The following PEBP4 variants were observed in gnomAD, a reference collection of about 807,000 sequenced individuals.
PEBP4 encodes the protein phosphatidylethanolamine-binding protein 4.
Under a neutral mutation model 23.9 loss-of-function variants are expected in PEBP4, and 22 were observed. That is an observed-to-expected ratio of 0.92 (90% CI 0.66 to 1.31). PEBP4 has a LOEUF of 1.31. Among genes scored for constraint, PEBP4 ranks in the 40% most tolerant of loss-of-function variants. PEBP4 has a pLI of 0.00. For missense variants in PEBP4, 324 were observed against 281.7 expected, an observed-to-expected ratio of 1.15 and a Z score of -1.07; for synonymous variants, 112 against 99.3, an observed-to-expected ratio of 1.13 and a Z score of -0.76.
At chr8:22,740,570 C>T (rs1023296419) in intron 4 of PEBP4, among the ~76,000 whole-genome samples, 31 of 152,208 alleles carry the variant, frequency 2.0e-4, no homozygotes, top group African/African-American at 7.5e-4. Context: ...CCCAATTCCC[C>T]TGGGGTCTCT....
rs1026810413 is a variant in PEBP4, at chr8:22,865,804, C to A, written c.259-48069G>T. On this transcript the variant is annotated intron_variant, in intron 3 of 6. Transcript: ENST00000256404. This position sits in a 1 kb window ranked among gnomAD's most constrained non-coding sequence, Gnocchi z 6.9. ...CGGCCACTCCCGGGGGCGCGAGCGG[C>A]GGCGCCTAGAGGGACCCCCACCCCG... Among the ~76,000 whole-genome samples, 3 of 152,178 alleles carry A rather than the reference C, an allele frequency of 2.0e-5. No homozygotes were observed. The highest frequency in any genetic ancestry group is 7.2e-5 in the African/African-American group (3 of 41,454).
chr8:22,900,218 A>G (rs895937357), intron 3 of PEBP4, among the ~76,000 whole-genome samples: 8 of 152,210 alleles, frequency 5.3e-5, no homozygotes, highest in African/African-American at 1.9e-4. Flanking sequence ...CCCACAGCAC[A>G]GTTAAGAATG....
chr8:22,935,545 T>C (rs981261337), intron 1 of PEBP4, among the ~76,000 whole-genome samples: 1 of 151,804 alleles, frequency 6.6e-6, no homozygotes, highest in Non-Finnish European at 1.5e-5. Context: ...ACACAATACA[T>C]CCCTAAGCCA....
At chr8:22,781,166 G>A (rs1805906825) in intron 4 of PEBP4, among the ~76,000 whole-genome samples, 1 of 152,210 alleles carries the variant, frequency 6.6e-6, no homozygotes, top group African/African-American at 2.4e-5. Flanking sequence ...GAACCTTTGG[G>A]GACAGGCCCC....
intron 6 of PEBP4, among the ~76,000 whole-genome samples, chr8:22,721,979 C>T (rs1039493015): frequency 3.3e-5 from 5 of 152,150 alleles, no homozygotes; most frequent in Non-Finnish European, 7.4e-5. Context: ...CCTCATGTCT[C>T]GACCCCTCTG....
chr8:22,867,990 C>T (rs1482721747), intron 3 of PEBP4, among the ~76,000 whole-genome samples: 1 of 152,136 alleles, frequency 6.6e-6, no homozygotes, highest in Admixed American at 6.5e-5. Context: ...CATGCACAGA[C>T]CGTAGGCAAT....
chr8:22,770,027 C>T (rs546484704), intron 4 of PEBP4, among the ~76,000 whole-genome samples: 3 of 152,298 alleles, frequency 2.0e-5, no homozygotes, highest in East Asian at 3.9e-4. Flanking sequence ...GCCTATGCCA[C>T]GCTAACCTTC....
chr8:22,729,449 G>A (rs1350281703), intron 4 of PEBP4, among the ~76,000 whole-genome samples: 2 of 152,238 alleles, frequency 1.3e-5, no homozygotes, highest in Non-Finnish European at 2.9e-5. Context: ...AAGGGAGCAG[G>A]CAAGGGTGGG....
At chr8:22,817,285 G>C (rs1806764621) in intron 4 of PEBP4, among the ~76,000 whole-genome samples, 1 of 152,196 alleles carries the variant, frequency 6.6e-6, no homozygotes. Flanking sequence ...GAAGCCAATT[G>C]TTAACGTTTC....
At position 22,749,805 on chromosome 8, in the gene PEBP4, C is replaced by CTTTTTTTTTTTT. The variant is rs71206545; in HGVS notation, c.358-22597_358-22586dup. ...CTCTCCTGATTCTCAGTTTGTCATT[C>CTTTTTTTTTTTT]TTTTTTTTTTTTTTTTTTGAGATGG... is the stretch of plus-strand genomic sequence containing the variant. On this transcript the variant is annotated intron_variant, in intron 4 of 6. Transcript: ENST00000256404. 9.9e-4 allele frequency among the ~76,000 whole-genome samples: 83 copies of CTTTTTTTTTTTT among 83,738 alleles called. 6 individuals are homozygous for CTTTTTTTTTTTT. The highest frequency in any genetic ancestry group is 2.5e-3 in the African/African-American group (64 of 25,782). 54.9% of individuals were successfully genotyped at this position (83,738 alleles called of 152,430 possible).
At chr8:22,939,833 G>A (rs1225630009) in intron 1 of PEBP4, among the ~76,000 whole-genome samples, 1 of 152,190 alleles carries the variant, frequency 6.6e-6, no homozygotes, top group African/African-American at 2.4e-5. Context: ...GCCAGAGGCT[G>A]GGGGCCAGGA....
At chr8:22,918,929 G>GCACATGTGCACACATGTGCACATGTGCA (rs141376967) in intron 3 of PEBP4, among the ~76,000 whole-genome samples, 1 of 151,026 alleles carries the variant, frequency 6.6e-6, no homozygotes, top group African/African-American at 2.4e-5. Flanking sequence ...GTGTGTGTGT[G>GCACATGTGCACACATGTGCACATGTGCA]CACATGTGCA....
intron 4 of PEBP4, among the ~76,000 whole-genome samples, chr8:22,810,432 G>A (rs890076059): frequency 6.6e-6 from 1 of 151,910 alleles, no homozygotes; most frequent in Non-Finnish European, 1.5e-5. Context: ...CTCCCCCACC[G>A]CCAACCCCCT....
chr8:22,892,671 G>A (rs1808516967), intron 3 of PEBP4, among the ~76,000 whole-genome samples: 1 of 152,012 alleles, frequency 6.6e-6, no homozygotes, highest in South Asian at 2.1e-4. Context: ...GACAGGTAAA[G>A]ATCTTCTGGT....
intron 4 of PEBP4, among the ~76,000 whole-genome samples, chr8:22,755,165 G>A (rs1471643661): frequency 6.6e-6 from 1 of 152,138 alleles, no homozygotes; most frequent in East Asian, 1.9e-4. Context: ...AGTCTTGCCT[G>A]GAGTCCAAAG....
chr8:22,731,667 A>C (rs71515804), intron 4 of PEBP4, among the ~76,000 whole-genome samples: 20,951 of 149,998 alleles, frequency 0.14, 1,884 homozygotes, highest in Middle Eastern at 0.21. Context: ...TTATTTATTT[A>C]TTTATTTTTG....
chr8:22,785,299 G>A (rs182214029), intron 4 of PEBP4, among the ~76,000 whole-genome samples: 10 of 152,292 alleles, frequency 6.6e-5, no homozygotes, highest in East Asian at 1.9e-4. Context: ...AACCGGAATC[G>A]AGAGCTGCTG....
At chr8:22,867,967 A>G (rs1429949682) in intron 3 of PEBP4, among the ~76,000 whole-genome samples, 1 of 152,204 alleles carries the variant, frequency 6.6e-6, no homozygotes, top group Non-Finnish European at 1.5e-5. Context: ...CCTTTTAAAC[A>G]GTCACCTCTG....
intron 3 of PEBP4, among the ~76,000 whole-genome samples, chr8:22,883,077 C>T (rs1272800676): frequency 6.6e-6 from 1 of 152,162 alleles, no homozygotes; most frequent in Non-Finnish European, 1.5e-5. Flanking sequence ...TTCATGAGAG[C>T]CATTTCTGTG....
Sources: gnomAD v4.1 joint callset for allele counts (sites outside exome capture counted in the v4.1 genomes callset) on GRCh38, gnomAD v4.1.1 for gene constraint, Gnocchi (gnomAD v3.1) non-coding constraint, MANE v1.5 for transcripts, NCBI Gene and HGNC (gene_info 2026-07-23, HGNC 2026-07-21) for gene names.